EXOC6B: variants seen among roughly 807,000 people sequenced by gnomAD.
EXOC6B encodes the protein exocyst complex component 6B.
EXOC6B carries 54 observed loss-of-function variants against 113.5 expected under a neutral mutation model. The ratio of observed to expected loss-of-function variants is 0.48; its 90% CI spans 0.38 to 0.60. EXOC6B has a LOEUF of 0.60. Ranked by LOEUF, EXOC6B falls within the 20% of genes least tolerant of loss-of-function variation. The pLI, the probability that EXOC6B is intolerant of heterozygous loss-of-function variation, is 0.00. For missense variants in EXOC6B, 797 were observed against 977.5 expected, an observed-to-expected ratio of 0.82 and a Z score of 2.46; for synonymous variants, 357 against 339.0, an observed-to-expected ratio of 1.05 and a Z score of -0.58.
At chr2:72,370,012 G>C (rs1690899996) in intron 19 of EXOC6B, among the ~76,000 whole-genome samples, 1 of 152,048 alleles carries the variant, frequency 6.6e-6, no homozygotes, top group Non-Finnish European at 1.5e-5. Context: ...CTGACAAATG[G>C]GATCTCATTA....
At chr2:72,691,099 T>TTAAAA (rs1388525019) in intron 6 of EXOC6B, among the ~76,000 whole-genome samples, 21 of 151,828 alleles carry the variant, frequency 1.4e-4, no homozygotes, top group African/African-American at 2.7e-4. Flanking sequence ...TCTCTATTAT[T>TTAAAA]TAAAATAAAA....
chr2:72,442,532 C>A (rs1696273016), intron 18 of EXOC6B, among the ~76,000 whole-genome samples: 1 of 152,138 alleles, frequency 6.6e-6, no homozygotes. Flanking sequence ...TGATAAACAA[C>A]TTCAGCAAAG....
chr2:72,585,245 A>C (rs537855419), intron 6 of EXOC6B, among the ~76,000 whole-genome samples: 1 of 152,330 alleles, frequency 6.6e-6, no homozygotes, highest in East Asian at 1.9e-4. Context: ...CTAGATTAAT[A>C]GATTATGAGC....
At chr2:72,386,953 T>C (rs540072386) in intron 18 of EXOC6B, among the ~76,000 whole-genome samples, 4 of 152,228 alleles carry the variant, frequency 2.6e-5, no homozygotes, top group African/African-American at 7.2e-5. Flanking sequence ...ATTCATACAG[T>C]TGCCTTTTTC....
In EXOC6B at chr2:72,498,540, G is replaced by C; in HGVS notation, c.1251C>G (p.Phe417Leu). 1 of 1,606,708 alleles carries C rather than the reference G, an allele frequency of 6.2e-7. No homozygotes were observed. Among genetic ancestry groups the C allele is most frequent in the Non-Finnish European group, 8.5e-7 (1 of 1,176,626 alleles). Residue 417 changes from phenylalanine to leucine, a missense_variant, in exon 13 of 22, where the codon TTC (phenylalanine) becomes TTG (leucine). Phe to Leu is a conservative substitution (Grantham distance 22). Coordinates refer to ENST00000272427, the MANE Select transcript of EXOC6B (RefSeq NM_015189.3). ...GCATGTCAAAAAGCTGATTTACAGGGAAACCATACACCTGAAACAAAATAA... is the reference window on the plus strand; with the variant it reads ...GCATGTCAAAAAGCTGATTTACAGGCAAACCATACACCTGAAACAAAATAA... ...LFADTLQVYGFPVNQLFDMLL... is the reference protein window; with the variant it reads ...LFADTLQVYGLPVNQLFDMLL...
chr2:72,479,954 G>C (rs1698976449), intron 17 of EXOC6B, among the ~76,000 whole-genome samples: 1 of 152,124 alleles, frequency 6.6e-6, no homozygotes, highest in African/African-American at 2.4e-5. Flanking sequence ...CGCAATCCCA[G>C]CATTTTGAGA....
chr2:72,676,503 A>G (rs1676324548), intron 6 of EXOC6B, among the ~76,000 whole-genome samples: 1 of 152,220 alleles, frequency 6.6e-6, no homozygotes, highest in South Asian at 2.1e-4. Flanking sequence ...ATTACGCAGT[A>G]AGAAAAAAAA....
At chr2:72,467,882 T>C (rs1045097334) in intron 17 of EXOC6B, among the ~76,000 whole-genome samples, 1 of 152,122 alleles carries the variant, frequency 6.6e-6, no homozygotes, top group South Asian at 2.1e-4. Flanking sequence ...GCGATTCTCC[T>C]GCCTCACCCT....
At chr2:72,783,638 A>G (rs916241307) in intron 1 of EXOC6B, among the ~76,000 whole-genome samples, 3 of 151,944 alleles carry the variant, frequency 2.0e-5, no homozygotes, top group African/African-American at 7.2e-5. Flanking sequence ...GGTCATTTCT[A>G]TGTCTCCTTT....
chr2:72,191,410 G>A (rs2104280670), intron 20 of EXOC6B, among the ~76,000 whole-genome samples: 1 of 152,294 alleles, frequency 6.6e-6, no homozygotes, highest in East Asian at 1.9e-4. Context: ...GAAAGCATAA[G>A]CAACTTGCTA....
At chr2:72,206,622 C>T (rs1012708569) in intron 20 of EXOC6B, among the ~76,000 whole-genome samples, 3 of 152,078 alleles carry the variant, frequency 2.0e-5, no homozygotes, top group African/African-American at 7.2e-5. Flanking sequence ...TTATATCTCC[C>T]AGAATAGAAT....
chr2:72,700,819 A>G (rs992669369), intron 6 of EXOC6B, among the ~76,000 whole-genome samples: 1 of 152,078 alleles, frequency 6.6e-6, no homozygotes, highest in African/African-American at 2.4e-5. Context: ...GGCATGATGG[A>G]GGGTGCCTGT....
intron 6 of EXOC6B, among the ~76,000 whole-genome samples, chr2:72,680,242 G>A (rs1389386706): frequency 6.6e-6 from 1 of 152,198 alleles, no homozygotes; most frequent in Non-Finnish European, 1.5e-5. Flanking sequence ...AGGCTCTGAA[G>A]TATGGCTGCC....
At chr2:72,630,807 A>G (rs563614999) in intron 6 of EXOC6B, among the ~76,000 whole-genome samples, 1 of 152,324 alleles carries the variant, frequency 6.6e-6, no homozygotes, top group Non-Finnish European at 1.5e-5. Flanking sequence ...AAATATTAAT[A>G]GCAATCCTAA....
intron 1 of EXOC6B, among the ~76,000 whole-genome samples, chr2:72,764,113 A>G (rs983703961): frequency 1.1e-4 from 17 of 151,876 alleles, no homozygotes; most frequent in African/African-American, 3.9e-4. Flanking sequence ...AAAAGATAAT[A>G]TTGCCATTTT....
chr2:72,276,647 T>C (rs1684822476), intron 20 of EXOC6B, among the ~76,000 whole-genome samples: 1 of 152,138 alleles, frequency 6.6e-6, no homozygotes, highest in Admixed American at 6.6e-5. Context: ...GAAATGGAAA[T>C]CTCATTTCCC....
intron 1 of EXOC6B, among the ~76,000 whole-genome samples, chr2:72,771,655 G>A (rs1683409176): frequency 6.6e-6 from 1 of 151,996 alleles, no homozygotes; most frequent in Admixed American, 6.5e-5. Flanking sequence ...CAAATTTATG[G>A]ACAAAAGACT....
At chr2:72,317,183 AGAAGG>A (rs1687569401) in intron 20 of EXOC6B, among the ~76,000 whole-genome samples, 2 of 151,826 alleles carry the variant, frequency 1.3e-5, no homozygotes, top group African/African-American at 4.8e-5. Flanking sequence ...AGTAGGTGGC[AGAAGG>A]GAAGAAAAGA....
rs528159730 is a variant in EXOC6B, at chr2:72,196,187, G to C, written c.2197-12000C>G. ...ACTACTGCAAATTCATAATGAAAAT[G>C]ATTCAAGTTATTTTTTATAAATGGA... On this transcript the variant is annotated intron_variant, in intron 20 of 21. Coordinates refer to ENST00000272427, the MANE Select transcript of EXOC6B (RefSeq NM_015189.3). 7.9e-4 allele frequency among the ~76,000 whole-genome samples: 120 copies of C among 152,282 alleles called. 1 individual carries two copies. Among genetic ancestry groups the C allele is most frequent in the African/African-American group, 2.2e-3 (90 of 41,556 alleles).
Sources: gnomAD v4.1 joint callset for allele counts (sites outside exome capture counted in the v4.1 genomes callset) on GRCh38, gnomAD v4.1.1 for gene constraint, MANE v1.5 for transcripts, NCBI Gene and HGNC (gene_info 2026-07-23, HGNC 2026-07-21) for gene names.